Variants in C1orf54 observed in about 807,000 individuals in gnomAD.
C1orf54 encodes the protein chromosome 1 open reading frame 54, also known as uncharacterized protein C1orf54.
Under a neutral mutation model 14.7 loss-of-function variants are expected in C1orf54, and 12 were observed. The observed-to-expected ratio is 0.82, with a 90% CI of 0.52 to 1.32. The LOEUF (loss-of-function observed/expected upper bound fraction) is 1.32, where lower values mean the gene tolerates loss of function less well. Among genes scored for constraint, C1orf54 ranks in the 40% most tolerant of loss-of-function variants. The pLI is 0.00. For synonymous variants in C1orf54, 65 were observed against 56.3 expected (o/e 1.16, Z -0.70); for missense variants, 163 against 162.2 (o/e 1.00, Z -0.03).
chr1:150,273,129 C>T (rs181229069), intron 1 of C1orf54, among the ~76,000 whole-genome samples: 10 of 152,266 alleles, frequency 6.6e-5, no homozygotes, highest in Admixed American at 6.5e-4. Flanking sequence ...AGTTCTCCAT[C>T]ACCACGGAAG....
chr1:150,279,327 G>A (rs1255041050), intron 4 of C1orf54, among the ~76,000 whole-genome samples: 1 of 152,136 alleles, frequency 6.6e-6, no homozygotes, highest in African/African-American at 2.4e-5. Flanking sequence ...ATTCCTTGAG[G>A]ACAGGAATCT....
intron 1 of C1orf54, 38 bp from the exon 2 acceptor site, chr1:150,274,049 T>G: frequency 6.9e-7 from 1 of 1,450,466 alleles, no homozygotes; most frequent in Non-Finnish European, 9.7e-7. Context: ...AGTAAGGTGT[T>G]CCAGATGTCC....
intron 3 of C1orf54, among the ~76,000 whole-genome samples, chr1:150,276,089 A>C (rs148798533): frequency 6.6e-6 from 1 of 152,282 alleles, no homozygotes. Flanking sequence ...CAGTGAGCCA[A>C]GATCGTTCCA....
chr1:150,272,188 A>G (rs782490987), upstream of C1orf54: 2 of 152,562 alleles, frequency 1.3e-5, no homozygotes, highest in Non-Finnish European at 2.9e-5. Context: ...CAGAAAGGAA[A>G]TAACTGACCA....
upstream of C1orf54, chr1:150,268,848 G>C: frequency 3.2e-6 from 5 of 1,577,134 alleles, no homozygotes; most frequent in Non-Finnish European, 4.3e-6. Flanking sequence ...GGCCTGACCA[G>C]GACAGGCAAA....
intron 5 of C1orf54, among the ~76,000 whole-genome samples, chr1:150,280,254 G>A (rs1450141323): frequency 1.3e-5 from 2 of 152,036 alleles, no homozygotes; most frequent in African/African-American, 2.4e-5. Context: ...AAAGAAGAGG[G>A]ATCACATTTA....
At chr1:150,272,133 C>G (rs1391231799), upstream of C1orf54, among the ~76,000 whole-genome samples, 1 of 151,208 alleles carries the variant, frequency 6.6e-6, no homozygotes, top group East Asian at 1.9e-4. Context: ...AAGCAAGATT[C>G]TGTCTCAAAA....
chr1:150,276,567 A>C lies in C1orf54; in HGVS notation c.235A>C (p.Ser79Arg). Reference sequence around the variant, plus strand: ...AACAGAAGCAATAGAGACTACCATTAGTCTTGAAACAGCACGTGCAGACCA... The same window carrying C: ...AACAGAAGCAATAGAGACTACCATTCGTCTTGAAACAGCACGTGCAGACCA... Reference protein sequence around the residue: ...DITEAIETTISLETARADHPK... With the variant: ...DITEAIETTIRLETARADHPK... The change falls in exon 4 of 6, where the codon AGT (serine) becomes CGT (arginine). Residue 79 changes from serine (S) to arginine (R), a missense_variant. Ser to Arg is a moderately radical substitution (Grantham distance 110, BLOSUM62 -1). Coordinates refer to ENST00000369099, the MANE Select transcript of C1orf54 (RefSeq NM_024579.4). 1 of 1,614,198 alleles carries C rather than the reference A, an allele frequency of 6.2e-7. No individual in the cohort carries two copies. The highest frequency in any genetic ancestry group is 8.5e-7 in the Non-Finnish European group (1 of 1,180,028).
At chr1:150,274,469 G>A (rs879987078) in intron 2 of C1orf54, among the ~76,000 whole-genome samples, 12 of 151,630 alleles carry the variant, frequency 7.9e-5, no homozygotes, top group Non-Finnish European at 1.8e-4. Flanking sequence ...GTGTGGTGGC[G>A]GGTGCCTGCA....
intron 3 of C1orf54, 66 bp downstream of exon 3, chr1:150,275,865 A>C (rs953099732): frequency 9.5e-5 from 133 of 1,405,244 alleles, no homozygotes; most frequent in Non-Finnish European, 1.3e-4. Context: ...GGCCGGGCGC[A>C]GTGGCTCATG....
chr1:150,268,757 G>A (rs782165938), upstream of C1orf54: 10 of 1,613,862 alleles, frequency 6.2e-6, no homozygotes, highest in East Asian at 4.5e-5. Flanking sequence ...AGAAAAGCGC[G>A]AAGGCCGGGC....
upstream of C1orf54, chr1:150,268,832 G>C: frequency 6.2e-7 from 1 of 1,600,252 alleles, no homozygotes; most frequent in Non-Finnish European, 8.5e-7. Flanking sequence ...TGGGAAGGGG[G>C]GTGGGGGCCT....
At chr1:150,278,126 A>G (rs143118088) in intron 4 of C1orf54, among the ~76,000 whole-genome samples, 3 of 152,254 alleles carry the variant, frequency 2.0e-5, no homozygotes, top group Non-Finnish European at 4.4e-5. Context: ...ACCACTCTTC[A>G]GGTTGTATGC....
At chr1:150,270,255 GATTT>G (rs1560037702), upstream of C1orf54, among the ~76,000 whole-genome samples, 1 of 152,112 alleles carries the variant, frequency 6.6e-6, no homozygotes, top group South Asian at 2.1e-4. Context: ...TCCTGGAAGT[GATTT>G]ATTATTTAAT....
intron 4 of C1orf54, among the ~76,000 whole-genome samples, chr1:150,279,107 C>T (rs1553852999): frequency 6.6e-6 from 1 of 152,170 alleles, no homozygotes; most frequent in African/African-American, 2.4e-5. Flanking sequence ...TGTGTCTCTA[C>T]TAAAAATACA....
intron 3 of C1orf54, among the ~76,000 whole-genome samples, chr1:150,276,064 G>T (rs897618189): frequency 6.6e-6 from 1 of 151,986 alleles, no homozygotes; most frequent in African/African-American, 2.4e-5. Flanking sequence ...ACTTGAATCC[G>T]GGAGATGGAG....
At chr1:150,278,499 T>C (rs1375975781) in intron 4 of C1orf54, among the ~76,000 whole-genome samples, 1 of 152,020 alleles carries the variant, frequency 6.6e-6, no homozygotes, top group African/African-American at 2.4e-5. Flanking sequence ...AAGTCACAGA[T>C]ATGAAAGTAA....
At chr1:150,272,515 A>T, upstream of C1orf54, 1 of 294,576 alleles carries the variant, frequency 3.4e-6, no homozygotes, top group Non-Finnish European at 6.3e-6. Flanking sequence ...CTTATTTTTT[A>T]TTTTTATTTT....
At chr1:150,279,091 C>A (rs1652897344) in intron 4 of C1orf54, among the ~76,000 whole-genome samples, 1 of 152,202 alleles carries the variant, frequency 6.6e-6, no homozygotes, top group South Asian at 2.1e-4. Context: ...GCCAACATGG[C>A]AAAACTGTGT....
Sources: allele counts gnomAD v4.1 joint callset (sites outside exome capture counted in the v4.1 genomes callset), GRCh38; gene constraint gnomAD v4.1.1; transcripts MANE v1.5; gene names NCBI Gene and HGNC (gene_info 2026-07-23, HGNC 2026-07-21).